Variants in PRKN observed in about 807,000 individuals in gnomAD.
PRKN encodes E3 ubiquitin-protein ligase parkin.
A neutral mutation model predicts 59.5 loss-of-function variants in PRKN; 56 were observed. The ratio of observed to expected loss-of-function variants is 0.94; its 90% confidence interval spans 0.76 to 1.18. PRKN has a LOEUF of 1.18. Among genes scored for constraint, PRKN ranks in the 50% most tolerant of loss-of-function variants. PRKN has a pLI of 0.00. For synonymous variants in PRKN, 250 were observed against 222.1 expected (o/e 1.13, Z -1.12); for missense variants, 657 against 596.4 (o/e 1.10, Z -1.06).
chr6:162,102,573 C>A (rs1780016598), intron 4 of PRKN, among the ~76,000 whole-genome samples: 1 of 152,168 alleles, frequency 6.6e-6, no homozygotes. Flanking sequence ...AGACGACCTT[C>A]ACTATTTTTT....
At chr6:162,063,798 G>A (rs1778206988) in intron 4 of PRKN, among the ~76,000 whole-genome samples, 1 of 152,170 alleles carries the variant, frequency 6.6e-6, no homozygotes, top group South Asian at 2.1e-4. Context: ...GCCTGCCTTG[G>A]CCTCCCGTAG....
intron 9 of PRKN, among the ~76,000 whole-genome samples, chr6:161,492,780 G>GA (rs559489912): frequency 6.6e-6 from 1 of 152,236 alleles, no homozygotes; most frequent in South Asian, 2.1e-4. Context: ...TTTCACAAAA[G>GA]AAAAAACTCA....
At chr6:162,556,555 T>G (rs976348091) in intron 1 of PRKN, among the ~76,000 whole-genome samples, 1 of 151,736 alleles carries the variant, frequency 6.6e-6, no homozygotes, top group African/African-American at 2.4e-5. Flanking sequence ...GAGATCATCC[T>G]AACCAACACA....
chr6:161,776,626 T>C (rs1384585955), intron 7 of PRKN, among the ~76,000 whole-genome samples: 1 of 152,208 alleles, frequency 6.6e-6, no homozygotes, highest in Non-Finnish European at 1.5e-5. Context: ...CCATGATGCC[T>C]AACCTAAAAG....
intron 6 of PRKN, among the ~76,000 whole-genome samples, chr6:161,887,707 A>C (rs976475868): frequency 5.3e-5 from 8 of 152,248 alleles, no homozygotes; most frequent in Admixed American, 6.5e-5. Flanking sequence ...AAATTTGCAT[A>C]AAAGTGCTAC....
intron 5 of PRKN, among the ~76,000 whole-genome samples, chr6:162,016,644 C>A (rs968279076): frequency 6.6e-6 from 1 of 152,224 alleles, no homozygotes; most frequent in Middle Eastern, 3.4e-3. Flanking sequence ...TCGTGGCTGA[C>A]CCATCCCCAC....
chr6:162,114,384 A>G (rs990280511), intron 4 of PRKN, among the ~76,000 whole-genome samples: 1 of 147,130 alleles, frequency 6.8e-6, no homozygotes, highest in Admixed American at 6.8e-5. Flanking sequence ...ATCCTCTTTT[A>G]TTTCCTTGAG....
At chr6:161,875,857 C>A (rs1302497443) in intron 6 of PRKN, among the ~76,000 whole-genome samples, 2 of 152,056 alleles carry the variant, frequency 1.3e-5, no homozygotes, top group East Asian at 3.9e-4. Flanking sequence ...ACTGGCATCC[C>A]ACTCATAAGT....
At chr6:162,189,184 CTAATTA>C (rs1784160493) in intron 4 of PRKN, among the ~76,000 whole-genome samples, 1 of 151,026 alleles carries the variant, frequency 6.6e-6, no homozygotes, top group Non-Finnish European at 1.5e-5. Context: ...GATTCCTATT[CTAATTA>C]TATTCTATAG....
chr6:161,636,282 C>A lies in PRKN; in HGVS notation c.872-66866G>T, dbSNP rs1029449743. 2.0e-5 allele frequency among the ~76,000 whole-genome samples: 3 copies of A among 152,224 alleles called. No homozygotes were observed. In the East Asian group the frequency reaches 5.8e-4, roughly 29 times the overall value. On this transcript the variant is annotated intron_variant, in intron 7 of 11. Coordinates refer to ENST00000366898, the MANE Select transcript of PRKN (RefSeq NM_004562.3). ...GTGCAGGATGTGCATATTTGTCTCC[C>A]AGCCCTGATTTGTGGGCAGGAGGCT...
intron 4 of PRKN, among the ~76,000 whole-genome samples, chr6:162,169,445 T>C (rs1486775442): frequency 5.3e-5 from 8 of 151,950 alleles, no homozygotes; most frequent in Non-Finnish European, 1.0e-4. Flanking sequence ...ACTACCACTT[T>C]ACAAGGGCAC....
chr6:162,134,459 A>C (rs1217835534), intron 4 of PRKN, among the ~76,000 whole-genome samples: 2 of 152,214 alleles, frequency 1.3e-5, no homozygotes, highest in Admixed American at 1.3e-4. Flanking sequence ...CGCCAGATAC[A>C]TGTGCAGAAC....
At chr6:161,842,711 C>T (rs1793039382) in intron 6 of PRKN, among the ~76,000 whole-genome samples, 1 of 152,042 alleles carries the variant, frequency 6.6e-6, no homozygotes, top group African/African-American at 2.4e-5. Context: ...ATTACAGGTG[C>T]CTGCCACCAT....
Position 161,749,638 on chromosome 6 carries a change from C to T in PRKN, c.871+36134G>A, listed in dbSNP as rs1788590867. The stretch of plus-strand genomic sequence containing the variant: ...AGAAAAATATCCTTTCCTGTAGCCC[C>T]ATGGTACACTGCAAACCCCTCTGAG... On this transcript the variant is annotated intron_variant, in intron 7 of 11. Coordinates refer to ENST00000366898, the MANE Select transcript of PRKN (RefSeq NM_004562.3). 2.6e-5 allele frequency among the ~76,000 whole-genome samples: 4 copies of T among 152,070 alleles called. No homozygotes were observed. In the South Asian group the frequency reaches 8.3e-4, roughly 32 times the overall value.
At chr6:162,599,354 A>G (rs1425181738) in intron 1 of PRKN, among the ~76,000 whole-genome samples, 1 of 152,152 alleles carries the variant, frequency 6.6e-6, no homozygotes, top group Non-Finnish European at 1.5e-5. Flanking sequence ...GTGGACCAGG[A>G]AAGTCCACCC....
At chr6:162,238,099 T>A (rs564186000) in intron 3 of PRKN, among the ~76,000 whole-genome samples, 3 of 152,340 alleles carry the variant, frequency 2.0e-5, no homozygotes, top group Admixed American at 1.3e-4. Context: ...CTTTGCCATA[T>A]GGCTTGTATA....
intron 1 of PRKN, among the ~76,000 whole-genome samples, chr6:162,709,983 G>A (rs1008862603): frequency 1.3e-5 from 2 of 152,068 alleles, no homozygotes; most frequent in South Asian, 2.1e-4. Flanking sequence ...GTATGTAAAC[G>A]GAACCGTGGA....
chr6:161,501,694 C>T (rs1246786515), intron 9 of PRKN, among the ~76,000 whole-genome samples: 1 of 152,070 alleles, frequency 6.6e-6, no homozygotes, highest in Non-Finnish European at 1.5e-5. Flanking sequence ...GCTTTGTACT[C>T]CACGCCTCTC....
chr6:162,133,431 C>G (rs1781451010), intron 4 of PRKN, among the ~76,000 whole-genome samples: 1 of 152,118 alleles, frequency 6.6e-6, no homozygotes, highest in African/African-American at 2.4e-5. Flanking sequence ...GGGTAATGGT[C>G]TCTTCAGGGA....
Sources: gnomAD v4.1 joint callset for allele counts (sites outside exome capture counted in the v4.1 genomes callset) on GRCh38, gnomAD v4.1.1 for gene constraint, MANE v1.5 for transcripts, NCBI Gene and HGNC (gene_info 2026-07-23, HGNC 2026-07-21) for gene names.